The following TMEM51 variants were observed in gnomAD, a reference collection of about 807,000 sequenced individuals.
The protein encoded by TMEM51 is transmembrane protein 51.
TMEM51 carries 8 observed loss-of-function variants against 13.6 expected under a neutral mutation model. The ratio of observed to expected loss-of-function variants is 0.59; its 90% CI spans 0.35 to 1.07. The LOEUF (loss-of-function observed/expected upper bound fraction) is 1.07, where lower values mean the gene tolerates loss of function less well. Ranked by LOEUF, TMEM51 falls within the 50% of genes least tolerant of loss-of-function variation. TMEM51 has a pLI of 0.02. For missense variants in TMEM51, 279 were observed against 330.7 expected, an observed-to-expected ratio of 0.84 and a Z score of 1.21; for synonymous variants, 147 against 144.4, an observed-to-expected ratio of 1.02 and a Z score of -0.13.
At chr1:15,154,433 C>G (rs1002029418) in intron 1 of TMEM51, among the ~76,000 whole-genome samples, 4 of 152,180 alleles carry the variant, frequency 2.6e-5, no homozygotes, top group African/African-American at 9.6e-5. Flanking sequence ...GTGTGTCGCT[C>G]TACAAGCAAA....
intron 1 of TMEM51, among the ~76,000 whole-genome samples, chr1:15,162,363 A>G (rs533972017): frequency 5.3e-5 from 8 of 152,054 alleles, no homozygotes; most frequent in African/African-American, 7.3e-5. Flanking sequence ...GGGTTTCACC[A>G]TGTTGGCCAA....
At chr1:15,178,337 C>T (rs1018388906) in intron 1 of TMEM51, among the ~76,000 whole-genome samples, 6 of 152,148 alleles carry the variant, frequency 3.9e-5, no homozygotes, top group Admixed American at 3.9e-4. Context: ...TCCTTGAGCT[C>T]AGCCGATTCC....
intron 1 of TMEM51, among the ~76,000 whole-genome samples, chr1:15,172,422 A>C: frequency 1.4e-5 from 2 of 140,906 alleles, no homozygotes; most frequent in East Asian, 2.1e-4. Flanking sequence ...AGGAAGGAGG[A>C]GGGAGGGAGG....
rs886590917 is a variant in TMEM51 at position 15,207,321 on chromosome 1, G to A, written c.-266-3169G>A. ...CCACAGCACAGAACTCAGTGGTCAC[G>A]TGAGGGTCTACATCCGATTCCCAGT... On this transcript the variant is annotated intron_variant, in intron 1 of 3. Coordinates refer to ENST00000376008, the MANE Select transcript of TMEM51 (RefSeq NM_001136218.2). The surrounding 1 kb of genome is among the most constrained non-coding windows in gnomAD (Gnocchi z 4.6). 3.3e-5 allele frequency among the ~76,000 whole-genome samples: 5 copies of A among 152,334 alleles called. No homozygotes were observed. The highest frequency in any genetic ancestry group is 3.9e-4 in the East Asian group (2 of 5,178).
At chr1:15,154,417 A>G (rs970627755) in intron 1 of TMEM51, among the ~76,000 whole-genome samples, 4 of 152,114 alleles carry the variant, frequency 2.6e-5, no homozygotes, top group African/African-American at 9.7e-5. Flanking sequence ...GTGTGTGTGT[A>G]TGTGTGTGTG....
At chr1:15,193,937 A>C (rs1643992521) in intron 1 of TMEM51, among the ~76,000 whole-genome samples, 1 of 152,224 alleles carries the variant, frequency 6.6e-6, no homozygotes, top group South Asian at 2.1e-4. Context: ...CACAGACTCC[A>C]AAATCCATCT....
At chr1:15,209,827 T>A (rs1244646513) in intron 1 of TMEM51, among the ~76,000 whole-genome samples, 3 of 151,982 alleles carry the variant, frequency 2.0e-5, no homozygotes, top group Non-Finnish European at 4.4e-5. Context: ...AGGTCAGGAG[T>A]TCGGACCAGC....
At chr1:15,159,399 C>G (rs1246453457) in intron 1 of TMEM51, among the ~76,000 whole-genome samples, 1 of 152,188 alleles carries the variant, frequency 6.6e-6, no homozygotes, top group Non-Finnish European at 1.5e-5. Context: ...CCATAGGCCT[C>G]ACTGTTGCGT....
chr1:15,214,795 G>C (rs1045984783), intron 2 of TMEM51, 100 bp from the exon 3 acceptor site: 8 of 395,276 alleles, frequency 2.0e-5, no homozygotes, highest in Non-Finnish European at 3.2e-5. Flanking sequence ...GGCGTGCTCG[G>C]TGCTGCTGCC....
At chr1:15,183,852 CTG>C (rs1456438600) in intron 1 of TMEM51, among the ~76,000 whole-genome samples, 2 of 152,230 alleles carry the variant, frequency 1.3e-5, no homozygotes, top group African/African-American at 4.8e-5. Context: ...GAAAGCCTCA[CTG>C]TGGAGGTCAC....
At chr1:15,169,384 C>CT (rs199641842) in intron 1 of TMEM51, among the ~76,000 whole-genome samples, 277 of 148,568 alleles carry the variant, frequency 1.9e-3, no homozygotes, top group African/African-American at 4.2e-3. Context: ...ATCTGAGAGA[C>CT]TTTTTTTTTT....
intron 1 of TMEM51, among the ~76,000 whole-genome samples, chr1:15,159,841 C>CT (rs1445735053): frequency 6.6e-6 from 1 of 152,150 alleles, no homozygotes; most frequent in Non-Finnish European, 1.5e-5. Flanking sequence ...TAGCCTTCTT[C>CT]TTTTTTTAAT....
intron 1 of TMEM51, among the ~76,000 whole-genome samples, chr1:15,208,909 C>G (rs555344177): frequency 6.6e-6 from 1 of 152,086 alleles, no homozygotes; most frequent in East Asian, 1.9e-4. Context: ...TTTGGACATT[C>G]TTGTTACAAA....
intron 1 of TMEM51, among the ~76,000 whole-genome samples, chr1:15,186,193 G>C (rs901055811): frequency 1.3e-5 from 2 of 152,242 alleles, no homozygotes; most frequent in Non-Finnish European, 2.9e-5. Flanking sequence ...GGTAAATGGC[G>C]TGAAGGAGTC....
chr1:15,199,221 C>G (rs1405560436), intron 1 of TMEM51, among the ~76,000 whole-genome samples: 3 of 152,044 alleles, frequency 2.0e-5, no homozygotes, highest in Non-Finnish European at 4.4e-5. Context: ...CAACCTCCGC[C>G]TCCTGGGTTC....
chr1:15,156,958 C>A (rs1642611640), intron 1 of TMEM51, among the ~76,000 whole-genome samples: 1 of 152,208 alleles, frequency 6.6e-6, no homozygotes, highest in African/African-American at 2.4e-5. Context: ...CCAGCCTGGA[C>A]AGGTGGTGCA....
chr1:15,219,339 G>C lies in TMEM51; in HGVS notation c.358G>C (p.Glu120Gln). The change falls in exon 4 of 4, where the codon GAG becomes CAG. Residue 120 changes from glutamate (E) to glutamine (Q), a missense_variant. Glu to Gln is a conservative substitution (Grantham distance 29). Transcript: ENST00000376008. ...AQEEDSQEEE[E>Q]EDEEAASRYY... The stretch of plus-strand genomic sequence containing the variant: ...GTCTTCTTGCAGCCAGGAGGAAGAA[G>C]AGGAGGATGAGGAGGCTGCCTCAAG... 6.3e-7 allele frequency: 1 copy of C among 1,582,392 alleles called. No homozygotes were observed. The highest frequency in any genetic ancestry group is 1.8e-5 in the Admixed American group (1 of 56,942).
chr1:15,191,493 A>G (rs901349793), intron 1 of TMEM51, among the ~76,000 whole-genome samples: 9 of 152,196 alleles, frequency 5.9e-5, no homozygotes, highest in Admixed American at 2.0e-4. Context: ...CACTGGTCCA[A>G]GTCGCCTCAC....
chr1:15,166,878 C>T (rs1303532829), intron 1 of TMEM51, among the ~76,000 whole-genome samples: 1 of 152,178 alleles, frequency 6.6e-6, no homozygotes, highest in African/African-American at 2.4e-5. Context: ...CCCCAAAATA[C>T]TCTCCTGCTG....
Sources: allele counts gnomAD v4.1 joint callset (sites outside exome capture counted in the v4.1 genomes callset), GRCh38; gene constraint gnomAD v4.1.1; non-coding constraint Gnocchi (gnomAD v3.1); transcripts MANE v1.5; gene names NCBI Gene and HGNC (gene_info 2026-07-23, HGNC 2026-07-21).